Variants in RCOR3 observed in about 807,000 individuals in gnomAD.
The protein encoded by RCOR3 is REST corepressor 3.
In RCOR3, 13 loss-of-function variants were observed where a neutral mutation model predicts 64.1. The ratio of observed to expected loss-of-function variants is 0.20; its 90% CI spans 0.13 to 0.32. The LOEUF (loss-of-function observed/expected upper bound fraction) is 0.32. Ranked by LOEUF, RCOR3 falls within the 10% of genes least tolerant of loss-of-function variation. The pLI, the probability that RCOR3 is intolerant of heterozygous loss-of-function variation, is 1.00. For synonymous variants in RCOR3, 215 were observed against 239.0 expected, an observed-to-expected ratio of 0.90 and a Z score of 0.93; for missense variants, 489 against 701.2, an observed-to-expected ratio of 0.70 and a Z score of 3.42.
chr1:211,295,360 G>A (rs1312699272), intron 8 of RCOR3, among the ~76,000 whole-genome samples: 1 of 151,878 alleles, frequency 6.6e-6, no homozygotes, highest in Non-Finnish European at 1.5e-5. Context: ...AAAACACTAT[G>A]GTAATGAGAA....
In RCOR3 at chr1:211,312,584, T is replaced by C; in HGVS notation, c.1076-136T>C. ...TGTGACCCTGATATCTTAGCCTCTA[T>C]CTCAGAATTGAGAAATGAGCAGAGT... On this transcript the variant is annotated intron_variant, in intron 10 of 11. Coordinates refer to ENST00000419091, the MANE Select transcript of RCOR3 (RefSeq NM_001136223.3). The surrounding 1 kb of genome is among the most constrained non-coding windows in gnomAD (Gnocchi z 5.0). 4.2e-6 allele frequency: 3 copies of C among 719,888 alleles called. No homozygotes were observed. The highest frequency in any genetic ancestry group is 7.3e-6 in the Non-Finnish European group (3 of 409,716). 44.6% of individuals were successfully genotyped at this position (719,888 alleles called of 1,614,324 possible). A position where few individuals can be genotyped will look rare whatever the true frequency, so the allele number is the denominator to read the frequency against.
chr1:211,313,433 C>T lies in RCOR3; in HGVS notation c.1327C>T (p.Pro443Ser). ...STDEEEEAQT[P>S]QAPRTLGPSP... Reference sequence around the variant, plus strand: ...GTTTCCTCACCTCTAGGCACAGACCCCACAGGCTCCTCGGACACTGGGTCC... The same window carrying T: ...GTTTCCTCACCTCTAGGCACAGACCTCACAGGCTCCTCGGACACTGGGTCC... The change falls in exon 12 of 12, where the codon CCA (proline) becomes TCA (serine). Residue 443 changes from proline to serine, a missense_variant. Coordinates refer to ENST00000419091, the MANE Select transcript of RCOR3 (RefSeq NM_001136223.3). This position sits in a 1 kb window ranked among gnomAD's most constrained non-coding sequence, Gnocchi z 4.7. 6.2e-7 allele frequency: 1 copy of T among 1,613,504 alleles called. No individual in the cohort carries two copies. Among genetic ancestry groups the T allele is most frequent in the African/African-American group, 1.3e-5 (1 of 75,016 alleles).
chr1:211,259,877 C>A (rs1375344313), intron 1 of RCOR3, 151 bp downstream of exon 1: 2 of 1,076,282 alleles, frequency 1.9e-6, no homozygotes, highest in Non-Finnish European at 1.3e-6. Context: ...TGCAGCAGCA[C>A]CCCCGCGACC....
intron 10 of RCOR3, among the ~76,000 whole-genome samples, chr1:211,308,698 T>TTTGTG (rs1701171863): frequency 7.3e-5 from 3 of 40,872 alleles, no homozygotes; most frequent in African/African-American, 2.1e-4. Flanking sequence ...TTTTTTTTTT[T>TTTGTG]TGTGTAGTCC....
rs191259363 is a variant in RCOR3, at chr1:211,282,648, G to A, written c.720+3332G>A. On this transcript the variant is annotated intron_variant, in intron 7 of 11. Coordinates refer to ENST00000419091, the MANE Select transcript of RCOR3 (RefSeq NM_001136223.3). The stretch of plus-strand genomic sequence containing the variant: ...CGAGTAGCTGGGACTACAGGCATGC[G>A]TCACCATGCCTGGCTAATTTTTGTA... Among the ~76,000 whole-genome samples the A allele has an allele frequency of 3.0e-3, 455 of 152,096 alleles. 3 individuals are homozygous for A. The highest frequency in any genetic ancestry group is 0.01 in the African/African-American group (424 of 41,500).
intron 7 of RCOR3, among the ~76,000 whole-genome samples, chr1:211,280,972 G>A (rs376287839): frequency 4.7e-5 from 5 of 107,420 alleles, no homozygotes; most frequent in Admixed American, 1.3e-4. Flanking sequence ...TAACAAGAGC[G>A]AAACTCCATC....
Position 211,304,130 on chromosome 1 carries a change from A to G in RCOR3, c.1065A>G (p.Leu355=). 1 of 1,600,492 alleles carries G rather than the reference A, an allele frequency of 6.2e-7. No homozygotes were observed. The highest frequency in any genetic ancestry group is 1.1e-5 in the South Asian group (1 of 88,618). ...GTTGGACCACAGAGGAGCAGCTTCT[A>G]GCAGTGCAAGGTATATTAAAGATAA... ...NARWTTEEQL[L]AVQGVRKYGK... is the part of the protein sequence containing the mutation. The change falls in exon 10 of 12, where the codon CTA becomes CTG. Residue 355 remains leucine, a synonymous_variant. Transcript: ENST00000419091.
intron 8 of RCOR3, among the ~76,000 whole-genome samples, chr1:211,292,921 TA>T (rs200099476): frequency 0.028 from 4,252 of 151,962 alleles, 78 homozygotes; most frequent in South Asian, 0.073. Context: ...CCGTCTCTAC[TA>T]AAACTACAAA....
chr1:211,267,561 C>CT (rs1290962797), intron 2 of RCOR3, among the ~76,000 whole-genome samples: 1 of 152,150 alleles, frequency 6.6e-6, no homozygotes, highest in Non-Finnish European at 1.5e-5. Context: ...AGATGGGGCC[C>CT]TTAATTACAA....
chr1:211,259,904 T>A, intron 1 of RCOR3, 178 bp downstream of exon 1: 3 of 404,880 alleles, frequency 7.4e-6, no homozygotes, highest in Non-Finnish European at 1.1e-5. Flanking sequence ...CCCTCCGCCC[T>A]CGACCAATCC....
intron 8 of RCOR3, 28 bp downstream of exon 8, chr1:211,289,424 G>T: frequency 1.3e-6 from 2 of 1,535,878 alleles, no homozygotes; most frequent in South Asian, 2.4e-5. Flanking sequence ...TATTTTTAAT[G>T]ATTCTGTGCA....
intron 9 of RCOR3, chr1:211,301,986 T>C (rs1700427757): frequency 6.6e-6 from 1 of 152,224 alleles, no homozygotes; most frequent in Non-Finnish European, 1.5e-5. Context: ...TATTTAGTTA[T>C]ATTTAATCCT....
At chr1:211,285,838 A>C (rs1429506518) in intron 7 of RCOR3, among the ~76,000 whole-genome samples, 5 of 152,202 alleles carry the variant, frequency 3.3e-5, no homozygotes, top group Non-Finnish European at 7.4e-5. Flanking sequence ...ACTGAGAAGT[A>C]GTTTTTTATA....
chr1:211,260,089 T>A lies in RCOR3; in HGVS notation c.167-19T>A. 1 of 1,587,056 alleles carries A rather than the reference T, an allele frequency of 6.3e-7. No homozygotes were observed. Among genetic ancestry groups the A allele is most frequent in the Non-Finnish European group, 8.6e-7 (1 of 1,167,750 alleles). ...TTCTTTTTTATTTTTTATATATATTTTTTGGCATTGCTTTGCAGATGTTGG... is the reference window on the plus strand; with the variant it reads ...TTCTTTTTTATTTTTTATATATATTATTTGGCATTGCTTTGCAGATGTTGG... On this transcript the variant is annotated intron_variant, in intron 1 of 11. Coordinates refer to ENST00000419091, the MANE Select transcript of RCOR3 (RefSeq NM_001136223.3).
intron 9 of RCOR3, chr1:211,302,356 T>A (rs1700464670): frequency 6.6e-6 from 1 of 152,150 alleles, no homozygotes; most frequent in Non-Finnish European, 1.5e-5. Context: ...CAGATGAGTA[T>A]CCAGCAGAAT....
rs780896956 is a variant in RCOR3, at chr1:211,308,661, GT to G, written c.1076-4048del. Among the ~76,000 whole-genome samples the G allele has an allele frequency of 9.3e-3, 256 of 27,496 alleles. 3 individuals carry two copies. Among genetic ancestry groups the G allele is most frequent in the African/African-American group, 0.027 (242 of 9,084 alleles). 18.0% of individuals were successfully genotyped at this position (27,496 alleles called of 152,430 possible). ...TTACCATGTTTCGTCTTTTGGATGT[GT>G]TTTTTTTTTTGTTTTTTTTTTGTTT... On this transcript the variant is annotated intron_variant, in intron 10 of 11. Transcript: ENST00000419091.
chr1:211,296,943 T>A (rs1699914557), intron 9 of RCOR3, among the ~76,000 whole-genome samples: 1 of 152,012 alleles, frequency 6.6e-6, no homozygotes, highest in African/African-American at 2.4e-5. Flanking sequence ...ACCGCAGATA[T>A]TAAAAACATT....
intron 8 of RCOR3, among the ~76,000 whole-genome samples, chr1:211,294,586 CTTTTTTTTTTT>C (rs35962546): frequency 1.1e-5 from 1 of 88,030 alleles, no homozygotes; most frequent in Admixed American, 1.5e-4. Flanking sequence ...TTCTTTCTTT[CTTTTTTTTTTT>C]TTTTTTTTTT....
rs539237220 is a variant in RCOR3 at position 211,266,027 on chromosome 1, T to TTA, written c.224-5203_224-5202dup. ...ATGGAAGTAGAATGAATCTAACCTC[T>TTA]TATCATTTGACCGCAGGTGAGTTTT... On this transcript the variant is annotated intron_variant, in intron 2 of 11. Coordinates refer to ENST00000419091, the MANE Select transcript of RCOR3 (RefSeq NM_001136223.3). Among the ~76,000 whole-genome samples, 69 of 152,226 alleles carry TTA rather than the reference T, an allele frequency of 4.5e-4. 1 individual carries two copies. The highest frequency in any genetic ancestry group is 1.5e-3 in the African/African-American group (62 of 41,540).
Sources: gnomAD v4.1 joint callset for allele counts (sites outside exome capture counted in the v4.1 genomes callset) on GRCh38, gnomAD v4.1.1 for gene constraint, Gnocchi (gnomAD v3.1) non-coding constraint, MANE v1.5 for transcripts, NCBI Gene and HGNC (gene_info 2026-07-23, HGNC 2026-07-21) for gene names.